Variants in MAP4 observed in about 807,000 individuals in gnomAD.
The protein encoded by MAP4 is microtubule-associated protein 4.
MAP4 carries 76 observed loss-of-function variants against 170.2 expected under a neutral mutation model. That is an observed-to-expected ratio of 0.45 (90% CI 0.37 to 0.54). The LOEUF (loss-of-function observed/expected upper bound fraction) is 0.54. MAP4 is among the 20% of genes least tolerant of loss of function. The pLI, the probability that MAP4 is intolerant of heterozygous loss-of-function variation, is 0.00. For missense variants in MAP4, 2,506 were observed against 2,748.0 expected, an observed-to-expected ratio of 0.91 and a Z score of 1.97; for synonymous variants, 909 against 994.5, an observed-to-expected ratio of 0.91 and a Z score of 1.62.
At chr3:47,968,204 G>T (rs2100076282) in intron 3 of MAP4, among the ~76,000 whole-genome samples, 1 of 152,120 alleles carries the variant, frequency 6.6e-6, no homozygotes, top group Admixed American at 6.6e-5. Context: ...CTAATGGATA[G>T]AACAACAAGA....
chr3:47,933,793 G>T (rs1306421477), intron 3 of MAP4, among the ~76,000 whole-genome samples: 1 of 152,004 alleles, frequency 6.6e-6, no homozygotes, highest in African/African-American at 2.4e-5. Context: ...GTAGAGACAG[G>T]GTTTCACCAT....
chr3:47,918,921 T>G (rs2100041190), intron 5 of MAP4, 80 bp from the exon 6 acceptor site: 1 of 1,279,902 alleles, frequency 7.8e-7, no homozygotes, highest in African/African-American at 1.5e-5. Context: ...ATTTTTGTTT[T>G]GTTTTGTTTT....
At chr3:48,063,268 G>A (rs1282413312) in intron 1 of MAP4, among the ~76,000 whole-genome samples, 6 of 152,084 alleles carry the variant, frequency 3.9e-5, no homozygotes, top group Middle Eastern at 3.4e-3. Flanking sequence ...CATTGCTAGT[G>A]GAAATGCAAA....
intron 10 of MAP4, among the ~76,000 whole-genome samples, chr3:47,879,979 T>C (rs954236780): frequency 1.3e-5 from 2 of 152,246 alleles, no homozygotes; most frequent in African/African-American, 4.8e-5. Context: ...CTGTAGACGC[T>C]CTTTGTCAAG....
rs1445998931 is a variant in MAP4 at position 47,910,587 on chromosome 3, T to C, written c.3834A>G (p.Thr1278=). ...HDSSFSHTPD[T]PTVEAVDRKG... ...TCCTGTCAACTGCTTCCACTGTGGGTGTATCTGGTGTATGTGAGAACGAAG... is the reference window on the plus strand; with the variant it reads ...TCCTGTCAACTGCTTCCACTGTGGGCGTATCTGGTGTATGTGAGAACGAAG... Residue 1278 remains threonine, a synonymous_variant, in exon 9 of 21, where the codon ACA becomes ACG. Transcript: ENST00000683076. The C allele has an allele frequency of 6.5e-7, 1 of 1,536,040 alleles. No homozygotes were observed. Among genetic ancestry groups the C allele is most frequent in the Non-Finnish European group, 8.7e-7 (1 of 1,146,898 alleles).
At chr3:47,927,875 G>C (rs2100046975) in intron 4 of MAP4, among the ~76,000 whole-genome samples, 1 of 152,186 alleles carries the variant, frequency 6.6e-6, no homozygotes, top group African/African-American at 2.4e-5. Context: ...CCGATAATGT[G>C]TATATAAAGG....
At chr3:48,062,648 C>T (rs2100136406) in intron 1 of MAP4, among the ~76,000 whole-genome samples, 1 of 151,156 alleles carries the variant, frequency 6.6e-6, no homozygotes. Flanking sequence ...TGTGGCTGGG[C>T]GTGGTGGTTC....
chr3:47,974,649 A>C, intron 3 of MAP4: 1 of 946,520 alleles, frequency 1.1e-6, no homozygotes, highest in Non-Finnish European at 1.3e-6. Context: ...AAAGCATACC[A>C]TTGTACAGTA....
At chr3:47,877,577 T>C (rs764985177) in intron 10 of MAP4, 54 bp from the exon 11 acceptor site, 191 of 1,238,720 alleles carry the variant, frequency 1.5e-4, no homozygotes, top group Middle Eastern at 2.1e-4. Context: ...TACATGCCCA[T>C]TTTGAAAATA....
intron 1 of MAP4, among the ~76,000 whole-genome samples, chr3:48,045,989 T>C (rs1245055147): frequency 6.6e-6 from 1 of 151,378 alleles, no homozygotes; most frequent in Non-Finnish European, 1.5e-5. Flanking sequence ...CACTTCTTTT[T>C]TTTTTTTTTT....
At chr3:47,982,462 C>A (rs1009354931) in intron 2 of MAP4, among the ~76,000 whole-genome samples, 2 of 152,036 alleles carry the variant, frequency 1.3e-5, no homozygotes, top group Non-Finnish European at 2.9e-5. Context: ...TGATGGAAAC[C>A]AAAATGCTAT....
At chr3:48,044,052 G>T (rs983902897) in intron 1 of MAP4, among the ~76,000 whole-genome samples, 7 of 151,622 alleles carry the variant, frequency 4.6e-5, no homozygotes, top group African/African-American at 1.5e-4. Flanking sequence ...CACCATGTTG[G>T]CCAGGATGGT....
chr3:48,056,763 C>T (rs1463319281), intron 1 of MAP4, among the ~76,000 whole-genome samples: 1 of 62,898 alleles, frequency 1.6e-5, no homozygotes, highest in Non-Finnish European at 3.0e-5. Context: ...CCCCTCTGCC[C>T]GGCCAGCCGC....
At chr3:48,066,586 C>G (rs189183919) in intron 1 of MAP4, among the ~76,000 whole-genome samples, 5 of 151,954 alleles carry the variant, frequency 3.3e-5, no homozygotes, top group Non-Finnish European at 5.9e-5. Flanking sequence ...CTCTGCTACC[C>G]GGGTTCAAGT....
At chr3:47,870,734 G>T in intron 15 of MAP4, 79 bp downstream of exon 15, 1 of 1,407,558 alleles carries the variant, frequency 7.1e-7, no homozygotes, top group Non-Finnish European at 9.6e-7. Context: ...CTTCTTTGGT[G>T]GGCCTGGGAA....
chr3:47,969,831 G>A (rs905553141), intron 3 of MAP4, among the ~76,000 whole-genome samples: 1 of 151,368 alleles, frequency 6.6e-6, no homozygotes, highest in Non-Finnish European at 1.5e-5. Context: ...CTGCACTCCA[G>A]CCTGGGCGAC....
At chr3:48,045,346 T>C (rs2100123906) in intron 1 of MAP4, among the ~76,000 whole-genome samples, 1 of 151,264 alleles carries the variant, frequency 6.6e-6, no homozygotes, top group Non-Finnish European at 1.5e-5. Flanking sequence ...GGAAAACTAA[T>C]CATTAATGCA....
At position 47,921,825 on chromosome 3, in the gene MAP4, TGGAGG is replaced by T; in HGVS notation, c.464_468del (p.Pro155GlnfsTer5). ...AATATTGAAGTATCAGCTGTCGCAC[TGGAGG>T]GAAAGACCAAATCTGCCAGGTCATC... is the stretch of plus-strand genomic sequence containing the variant. On this transcript the variant is annotated frameshift_variant, in exon 5 of 21. Coordinates refer to ENST00000683076, the MANE Select transcript of MAP4 (RefSeq NM_001385682.1). LOFTEE classifies it high-confidence loss of function. The T allele has an allele frequency of 1.2e-6, 2 of 1,612,444 alleles. No individual in the cohort carries two copies. Among genetic ancestry groups the T allele is most frequent in the Non-Finnish European group, 1.7e-6 (2 of 1,178,486 alleles).
chr3:47,970,952 T>G (rs2100078327), intron 3 of MAP4, among the ~76,000 whole-genome samples: 1 of 152,240 alleles, frequency 6.6e-6, no homozygotes, highest in South Asian at 2.1e-4. Context: ...ATTAAATGCT[T>G]GGCTTAGAAA....
Sources: allele counts gnomAD v4.1 joint callset (sites outside exome capture counted in the v4.1 genomes callset), GRCh38; gene constraint gnomAD v4.1.1; transcripts MANE v1.5; gene names NCBI Gene and HGNC (gene_info 2026-07-23, HGNC 2026-07-21).